The following CA10 variants were observed in gnomAD, a reference collection of about 807,000 sequenced individuals.
CA10 encodes carbonic anhydrase-related protein 10.
In CA10, 14 loss-of-function variants were observed where a neutral mutation model predicts 44.2. The ratio of observed to expected loss-of-function variants is 0.32; its 90% confidence interval spans 0.21 to 0.50. CA10 has a LOEUF of 0.50. Among genes scored for constraint, CA10 ranks in the 20% least tolerant of loss-of-function variants. The pLI, the probability that CA10 is intolerant of heterozygous loss-of-function variation, is 0.99. For missense variants in CA10, 350 were observed against 409.7 expected, an observed-to-expected ratio of 0.85 and a Z score of 1.26; for synonymous variants, 159 against 141.6, an observed-to-expected ratio of 1.12 and a Z score of -0.87.
chr17:52,135,138 A>G, intron 1 of CA10: 1 of 372,006 alleles, frequency 2.7e-6, no homozygotes, highest in South Asian at 2.0e-5. Context: ...TTAAAAATTG[A>G]GTTCTCAGCC....
intron 1 of CA10, among the ~76,000 whole-genome samples, chr17:52,147,489 T>C (rs532684590): frequency 1.3e-5 from 2 of 149,398 alleles, no homozygotes; most frequent in East Asian, 3.9e-4. Context: ...TAAAAGCAGA[T>C]TTAAAAAAAA....
At chr17:52,067,385 G>A (rs899113291) in intron 2 of CA10, among the ~76,000 whole-genome samples, 4 of 152,262 alleles carry the variant, frequency 2.6e-5, no homozygotes, top group Non-Finnish European at 5.9e-5. Context: ...CTGAAGTTTA[G>A]GAACCTCTGC....
chr17:52,002,793 C>A (rs1985470375), intron 2 of CA10, among the ~76,000 whole-genome samples: 1 of 151,850 alleles, frequency 6.6e-6, no homozygotes, highest in African/African-American at 2.4e-5. Flanking sequence ...ATAAGCATCG[C>A]AAGAAGCCAG....
intron 4 of CA10, among the ~76,000 whole-genome samples, chr17:51,700,334 C>T (rs1915550030): frequency 6.6e-6 from 1 of 152,194 alleles, no homozygotes; most frequent in Non-Finnish European, 1.5e-5. Flanking sequence ...CACAGACCCT[C>T]CCAAAGCTCT....
At chr17:51,991,227 T>C (rs1252281396) in intron 2 of CA10, among the ~76,000 whole-genome samples, 3 of 152,170 alleles carry the variant, frequency 2.0e-5, no homozygotes, top group South Asian at 2.1e-4. Flanking sequence ...TTTCCTTCAA[T>C]ATATTTCCTA....
chr17:52,041,640 T>C (rs1986771577), intron 2 of CA10, among the ~76,000 whole-genome samples: 2 of 152,066 alleles, frequency 1.3e-5, no homozygotes, highest in Non-Finnish European at 2.9e-5. Context: ...AATATGATAT[T>C]AAGTATAGTC....
chr17:51,715,108 T>C (rs1411047791), intron 4 of CA10, among the ~76,000 whole-genome samples: 3 of 152,050 alleles, frequency 2.0e-5, no homozygotes, highest in Admixed American at 1.3e-4. Flanking sequence ...CAGCAAACTA[T>C]TGCAAGGACA....
At chr17:51,692,706 A>C (rs1438559002) in intron 4 of CA10, among the ~76,000 whole-genome samples, 1 of 152,210 alleles carries the variant, frequency 6.6e-6, no homozygotes, top group African/African-American at 2.4e-5. Flanking sequence ...ATTGAAGGGC[A>C]TGTTGGTGTT....
chr17:51,717,533 A>ATATATATATATATATG (rs1244982481), intron 4 of CA10, among the ~76,000 whole-genome samples: 15 of 18,416 alleles, frequency 8.1e-4, no homozygotes, highest in African/African-American at 2.0e-3. Context: ...AAACTGGTAT[A>ATATATATATATATATG]TATATATATA....
Position 51,758,564 on chromosome 17 carries a change from T to C in CA10, c.280-10746A>G, listed in dbSNP as rs185987814. 1.9e-3 allele frequency among the ~76,000 whole-genome samples: 288 copies of C among 152,312 alleles called. 1 individual carries two copies. Among genetic ancestry groups the C allele is most frequent in the African/African-American group, 6.6e-3 (275 of 41,566 alleles). ...TTGGCGCTGAAGCCCTTCACCTATT[T>C]CAGGCTGCCCAGCCTCTGACCAGGA... On this transcript the variant is annotated intron_variant, in intron 3 of 8. Transcript: ENST00000451037.
At chr17:51,912,302 TC>T (rs747532628) in intron 3 of CA10, among the ~76,000 whole-genome samples, 1 of 152,156 alleles carries the variant, frequency 6.6e-6, no homozygotes, top group Non-Finnish European at 1.5e-5. Flanking sequence ...TAAGCTGTAA[TC>T]CTTACCACCA....
At chr17:51,902,411 T>G (rs1413389225) in intron 3 of CA10, among the ~76,000 whole-genome samples, 1 of 152,148 alleles carries the variant, frequency 6.6e-6, no homozygotes, top group Non-Finnish European at 1.5e-5. Flanking sequence ...AAATTTAATT[T>G]TATCTTTTTT....
At chr17:51,856,485 G>A (rs1420191457) in intron 3 of CA10, among the ~76,000 whole-genome samples, 1 of 152,088 alleles carries the variant, frequency 6.6e-6, no homozygotes, top group Non-Finnish European at 1.5e-5. Flanking sequence ...TGGCCGCCAA[G>A]GAGCATAAAA....
chr17:51,701,595 C>T (rs1178116509), intron 4 of CA10, among the ~76,000 whole-genome samples: 1 of 152,120 alleles, frequency 6.6e-6, no homozygotes, highest in East Asian at 1.9e-4. Context: ...CAAATGTCAG[C>T]TTCCTTCCCT....
chr17:51,679,490 T>C (rs1427533835), intron 4 of CA10, among the ~76,000 whole-genome samples: 1 of 151,922 alleles, frequency 6.6e-6, no homozygotes, highest in African/African-American at 2.4e-5. Flanking sequence ...CTTGATCTCC[T>C]GACCTCGTGA....
chr17:51,756,495 T>C (rs1347290374), intron 3 of CA10, among the ~76,000 whole-genome samples: 2 of 147,070 alleles, frequency 1.4e-5, no homozygotes, highest in Admixed American at 1.4e-4. Context: ...TTTTTGAGTC[T>C]TTGCTCTGTC....
chr17:51,856,817 G>C (rs1029140833), intron 3 of CA10, among the ~76,000 whole-genome samples: 2 of 152,184 alleles, frequency 1.3e-5, no homozygotes, highest in South Asian at 2.1e-4. Context: ...GCTCCAAAGC[G>C]GGGGAGGTCA....
intron 3 of CA10, among the ~76,000 whole-genome samples, chr17:51,803,825 G>A (rs17588651): frequency 0.19 from 28,338 of 152,194 alleles, 3,315 homozygotes; most frequent in Non-Finnish European, 0.25. Flanking sequence ...GCAAGGAATC[G>A]AGCATCTTTC....
intron 2 of CA10, among the ~76,000 whole-genome samples, chr17:52,064,166 GA>G (rs1462222216): frequency 1.3e-5 from 2 of 152,178 alleles, no homozygotes; most frequent in Non-Finnish European, 2.9e-5. Context: ...GGCCATAGGA[GA>G]CAAGGGTCTC....
Sources: gnomAD v4.1 joint callset for allele counts (sites outside exome capture counted in the v4.1 genomes callset) on GRCh38, gnomAD v4.1.1 for gene constraint, MANE v1.5 for transcripts, NCBI Gene and HGNC (gene_info 2026-07-23, HGNC 2026-07-21) for gene names.